The following STXBP6 variants were observed in gnomAD, a reference collection of about 807,000 sequenced individuals.
The protein encoded by STXBP6 is syntaxin-binding protein 6.
Under a neutral mutation model 26.9 loss-of-function variants are expected in STXBP6, and 21 were observed. That is an observed-to-expected ratio of 0.78 (90% CI 0.55 to 1.12). The LOEUF (loss-of-function observed/expected upper bound fraction) is 1.12, where lower values mean the gene tolerates loss of function less well. Ranked by LOEUF, STXBP6 falls within the 50% of genes most tolerant of loss-of-function variation. The pLI, the probability that STXBP6 is intolerant of heterozygous loss-of-function variation, is 0.00. For synonymous variants in STXBP6, 97 were observed against 92.6 expected, an observed-to-expected ratio of 1.05 and a Z score of -0.27; for missense variants, 232 against 257.9, an observed-to-expected ratio of 0.90 and a Z score of 0.69.
At chr14:24,879,582 G>T (rs59513760) in intron 2 of STXBP6, among the ~76,000 whole-genome samples, 2 of 152,156 alleles carry the variant, frequency 1.3e-5, no homozygotes, top group East Asian at 1.9e-4. Context: ...TGACTCTCAG[G>T]GTTTGTTTGA....
At chr14:24,886,489 T>G (rs982216257) in intron 2 of STXBP6, among the ~76,000 whole-genome samples, 2 of 152,192 alleles carry the variant, frequency 1.3e-5, no homozygotes, top group Non-Finnish European at 2.9e-5. Context: ...TAAATGCTGG[T>G]TATCATAATA....
intron 1 of STXBP6, 38 bp from the exon 2 acceptor site, chr14:24,974,888 C>T (rs2074003812): frequency 7.1e-7 from 1 of 1,413,110 alleles, no homozygotes; most frequent in African/African-American, 1.4e-5. Context: ...TTGGAATTGA[C>T]AACATTGTAA....
intron 4 of STXBP6, among the ~76,000 whole-genome samples, chr14:24,837,600 T>G (rs2068656639): frequency 6.6e-6 from 1 of 152,134 alleles, no homozygotes; most frequent in African/African-American, 2.4e-5. Context: ...TGGGGCTGAG[T>G]ACACATAGAA....
rs1306277270 is a variant in STXBP6 at position 25,025,187 on chromosome 14, AT to A, written c.-33+24690del. On this transcript the variant is annotated intron_variant, in intron 1 of 5. Transcript: ENST00000323944. ...GAGAAGGCTTTTTTTTTTAATTTAA[AT>A]CTAATTATTTTACATTTTGTATTTC... Among the ~76,000 whole-genome samples the A allele has an allele frequency of 5.9e-5, 9 of 152,174 alleles. No individual in the cohort carries two copies. The East Asian group carries it at 1.7e-3, about 29-fold the overall frequency.
At chr14:24,924,228 T>C (rs1023367246) in intron 2 of STXBP6, among the ~76,000 whole-genome samples, 23 of 152,152 alleles carry the variant, frequency 1.5e-4, no homozygotes, top group Non-Finnish European at 1.8e-4. Context: ...CTGTCAAATA[T>C]TACATTTCCA....
chr14:24,908,159 A>G (rs2071448682), intron 2 of STXBP6, among the ~76,000 whole-genome samples: 1 of 152,204 alleles, frequency 6.6e-6, no homozygotes, highest in Admixed American at 6.5e-5. Flanking sequence ...TACAATAAAT[A>G]GTATCACCAC....
intron 1 of STXBP6, among the ~76,000 whole-genome samples, chr14:25,017,008 G>T (rs2075164015): frequency 6.6e-6 from 1 of 152,158 alleles, no homozygotes. Context: ...ACGCTTCTTA[G>T]AAATTACTAC....
At chr14:24,935,568 C>A (rs2072565169) in intron 2 of STXBP6, among the ~76,000 whole-genome samples, 1 of 151,920 alleles carries the variant, frequency 6.6e-6, no homozygotes, top group South Asian at 2.1e-4. Flanking sequence ...GGTGAAGTTT[C>A]AAAAGGATGA....
chr14:24,810,900 T>TGTGTGTGTGTGTGC lies in STXBP6; in HGVS notation c.*1808_*1809insGCACACACACACAC, dbSNP rs1474648802. 3.3e-5 allele frequency: 5 copies of TGTGTGTGTGTGTGC among 152,096 alleles called. No homozygotes were observed. The highest frequency in any genetic ancestry group is 4.8e-5 in the African/African-American group (2 of 41,322). The allele number at this position is 152,096 out of a possible 1,614,324, so 9.4% of individuals were successfully genotyped here. A position where few individuals can be genotyped will look rare whatever the true frequency, so the allele number is the denominator to read the frequency against. On this transcript the variant is annotated 3_prime_UTR_variant, in exon 6 of 6. Transcript: ENST00000323944. Reference sequence around the variant, plus strand: ...GTGTGTGTGTGTGTGTGTGTGTGTGTGCATTCTGAACTGAGATCTGCAAAC... The same window carrying TGTGTGTGTGTGTGC: ...GTGTGTGTGTGTGTGTGTGTGTGTGTGTGTGTGTGTGTGCGCATTCTGAACTGAGATCTGCAAAC...
intron 2 of STXBP6, among the ~76,000 whole-genome samples, chr14:24,916,704 C>G (rs913515383): frequency 2.0e-5 from 3 of 151,948 alleles, no homozygotes; most frequent in Non-Finnish European, 4.4e-5. Context: ...TCTAGGACAC[C>G]TGGGGACCTT....
intron 2 of STXBP6, among the ~76,000 whole-genome samples, chr14:24,936,789 GTA>G (rs1308823380): frequency 1.3e-4 from 20 of 152,108 alleles, no homozygotes; most frequent in African/African-American, 4.3e-4. Context: ...CCATTACTGA[GTA>G]TATACCCAAA....
chr14:24,873,254 A>G (rs987465601), intron 2 of STXBP6, among the ~76,000 whole-genome samples: 27 of 152,104 alleles, frequency 1.8e-4, no homozygotes, highest in Non-Finnish European at 4.4e-5. Flanking sequence ...AAAATAGAAT[A>G]TAGTCCCTTC....
At position 24,855,935 on chromosome 14, in the gene STXBP6, C is replaced by A. The variant is rs2069313516; in HGVS notation, c.451+1G>T. On this transcript the variant is annotated splice_donor_variant, in intron 4 of 5. Transcript: ENST00000323944. LOFTEE classifies it high-confidence loss of function. The stretch of plus-strand genomic sequence containing the variant: ...CTAAAGTCACACAAATGTCCACTCA[C>A]CTCCCATAATTTTGGATTGGCAGTT... 1 of 1,598,738 alleles carries A rather than the reference C, an allele frequency of 6.3e-7. No individual in the cohort carries two copies. Among genetic ancestry groups the A allele is most frequent in the Non-Finnish European group, 8.5e-7 (1 of 1,174,422 alleles).
intron 2 of STXBP6, among the ~76,000 whole-genome samples, chr14:24,951,880 A>G (rs918899441): frequency 4.6e-5 from 7 of 152,020 alleles, no homozygotes; most frequent in African/African-American, 1.7e-4. Flanking sequence ...CAATTTTTAT[A>G]CTTTCTTTGA....
chr14:24,818,175 T>G, intron 5 of STXBP6: 1 of 455,878 alleles, frequency 2.2e-6, no homozygotes, highest in Non-Finnish European at 4.4e-6. Flanking sequence ...TCAGCAGATG[T>G]TGTTTCTGGA....
intron 2 of STXBP6, among the ~76,000 whole-genome samples, chr14:24,902,990 G>C (rs1272541611): frequency 1.3e-5 from 2 of 152,120 alleles, no homozygotes; most frequent in Non-Finnish European, 2.9e-5. Context: ...CTTTGAATAA[G>C]ATTTCACACT....
At chr14:24,934,495 T>G (rs1447721142) in intron 2 of STXBP6, among the ~76,000 whole-genome samples, 1 of 152,112 alleles carries the variant, frequency 6.6e-6, no homozygotes, top group Non-Finnish European at 1.5e-5. Flanking sequence ...AAGGACAAAA[T>G]GTAGCACTCT....
chr14:24,836,870 AT>A (rs1409653821), intron 4 of STXBP6, among the ~76,000 whole-genome samples: 1 of 152,206 alleles, frequency 6.6e-6, no homozygotes, highest in Non-Finnish European at 1.5e-5. Flanking sequence ...TAGATCTATA[AT>A]TAAAGCCTTA....
At chr14:24,987,307 C>A (rs1272924445) in intron 1 of STXBP6, among the ~76,000 whole-genome samples, 2 of 152,174 alleles carry the variant, frequency 1.3e-5, no homozygotes, top group African/African-American at 2.4e-5. Flanking sequence ...TAGGTCTGAG[C>A]CTGTCTTTGC....
Sources: allele counts gnomAD v4.1 joint callset (sites outside exome capture counted in the v4.1 genomes callset), GRCh38; gene constraint gnomAD v4.1.1; transcripts MANE v1.5; gene names NCBI Gene and HGNC (gene_info 2026-07-23, HGNC 2026-07-21).